Variants in TOX observed in about 807,000 individuals in gnomAD.
The protein encoded by TOX is thymocyte selection associated high mobility group box.
Under a neutral mutation model 53.7 loss-of-function variants are expected in TOX, and 11 were observed. That is an observed-to-expected ratio of 0.20 (90% CI 0.13 to 0.34). The LOEUF (loss-of-function observed/expected upper bound fraction) is 0.34. TOX is among the 10% of genes least tolerant of loss of function. The pLI, the probability that TOX is intolerant of heterozygous loss-of-function variation, is 1.00. For synonymous variants in TOX, 225 were observed against 245.3 expected (o/e 0.92, Z 0.77); for missense variants, 570 against 664.6 (o/e 0.86, Z 1.56).
chr8:58,818,347 G>C (rs1810215177), intron 6 of TOX, among the ~76,000 whole-genome samples: 1 of 152,130 alleles, frequency 6.6e-6, no homozygotes, highest in African/African-American at 2.4e-5. Context: ...AACATAGAGG[G>C]AGGGAGAATT....
At chr8:59,088,763 G>T (rs1163464212) in intron 1 of TOX, among the ~76,000 whole-genome samples, 3 of 152,166 alleles carry the variant, frequency 2.0e-5, no homozygotes, top group African/African-American at 7.2e-5. Flanking sequence ...TGTAAGAAAA[G>T]CTGGAGCATT....
chr8:59,018,460 G>C (rs1453609304), intron 1 of TOX, among the ~76,000 whole-genome samples: 1 of 152,094 alleles, frequency 6.6e-6, no homozygotes, highest in East Asian at 1.9e-4. Context: ...TCCCAAAGTC[G>C]GTTCCACAGT....
intron 1 of TOX, among the ~76,000 whole-genome samples, chr8:59,097,996 G>A (rs908314028): frequency 2.0e-5 from 3 of 151,938 alleles, no homozygotes; most frequent in Admixed American, 6.6e-5. Flanking sequence ...TTGGCTGGGG[G>A]AATCACGGAG....
At chr8:59,062,223 T>C (rs1445184584) in intron 1 of TOX, among the ~76,000 whole-genome samples, 3 of 152,034 alleles carry the variant, frequency 2.0e-5, no homozygotes, top group Non-Finnish European at 4.4e-5. Context: ...GGAGAGGTGG[T>C]AGGAGTGGAA....
At chr8:59,075,065 A>T (rs185719917) in intron 1 of TOX, among the ~76,000 whole-genome samples, 328 of 152,344 alleles carry the variant, frequency 2.2e-3, no homozygotes, top group African/African-American at 7.3e-3. Flanking sequence ...AGTAAGACAA[A>T]TTGACAAAAT....
chr8:58,826,970 T>C (rs536468780), intron 5 of TOX, 68 bp from the exon 6 acceptor site: 53 of 1,274,462 alleles, frequency 4.2e-5, no homozygotes, highest in South Asian at 2.6e-4. Context: ...AAGTACAATA[T>C]AGAATGATAA....
intron 1 of TOX, among the ~76,000 whole-genome samples, chr8:59,115,902 C>T (rs1277191389): frequency 1.3e-5 from 2 of 151,886 alleles, no homozygotes; most frequent in South Asian, 2.1e-4. Context: ...TAGATTAAAC[C>T]GTTTCCAAAA....
intron 1 of TOX, among the ~76,000 whole-genome samples, chr8:59,035,916 A>G (rs1189685271): frequency 6.6e-6 from 1 of 152,236 alleles, no homozygotes; most frequent in Non-Finnish European, 1.5e-5. Context: ...TTGTGACAGC[A>G]CTATGAGGTG....
In TOX at chr8:59,040,845, C is replaced by A. The variant is rs1351528245; in HGVS notation, c.102+78041G>T. Among the ~76,000 whole-genome samples the A allele has an allele frequency of 2.6e-5, 4 of 152,206 alleles. No homozygotes were observed. In the East Asian group the frequency reaches 7.7e-4, roughly 29 times the overall value. ...CCCCGCCTCTCTGACCCTCCCACTC[C>A]CCTCACTGGTCCTTTCTTCCTGGCT... On this transcript the variant is annotated intron_variant, in intron 1 of 8. Transcript: ENST00000361421.
At chr8:59,037,918 G>T (rs1585979562) in intron 1 of TOX, among the ~76,000 whole-genome samples, 1 of 150,620 alleles carries the variant, frequency 6.6e-6, no homozygotes, top group East Asian at 2.0e-4. Flanking sequence ...CATCTATTTT[G>T]TGTTAATGTT....
intron 1 of TOX, among the ~76,000 whole-genome samples, chr8:58,980,339 C>T (rs1028769508): frequency 2.0e-5 from 3 of 152,110 alleles, no homozygotes; most frequent in Non-Finnish European, 2.9e-5. Context: ...TGGGAGCTGC[C>T]GCTTGGCCTG....
Position 58,939,187 on chromosome 8 carries a change from A to G in TOX, c.411+115T>C. 3 of 1,310,640 alleles carry G rather than the reference A, an allele frequency of 2.3e-6. No individual in the cohort carries two copies. In the South Asian group the frequency reaches 4.3e-5, roughly 19 times the overall value. The allele number at this position is 1,310,640 out of a possible 1,614,324, so 81.2% of individuals were successfully genotyped here. On this transcript the variant is annotated intron_variant, in intron 3 of 8. Coordinates refer to ENST00000361421, the MANE Select transcript of TOX (RefSeq NM_014729.3). ...ATGATTTATAAATAACTGTCTCCACAGCTAGAAACAGTTTCAGAATGCTAT... is the reference window on the plus strand; with the variant it reads ...ATGATTTATAAATAACTGTCTCCACGGCTAGAAACAGTTTCAGAATGCTAT...
chr8:58,987,438 T>C (rs1203726417), intron 1 of TOX, among the ~76,000 whole-genome samples: 1 of 152,148 alleles, frequency 6.6e-6, no homozygotes, highest in Non-Finnish European at 1.5e-5. Context: ...TGGAGTAGAA[T>C]TTGCATTCAT....
chr8:58,904,509 A>G (rs1562612), intron 3 of TOX, among the ~76,000 whole-genome samples: 82,725 of 151,912 alleles, frequency 0.54, 22,925 homozygotes, highest in African/African-American at 0.63. Context: ...AGCTCTGGGA[A>G]TCTCTGGAAA....
intron 1 of TOX, among the ~76,000 whole-genome samples, chr8:59,104,157 T>G (rs1477934463): frequency 6.6e-6 from 1 of 152,206 alleles, no homozygotes; most frequent in Non-Finnish European, 1.5e-5. Flanking sequence ...AAATGAACAT[T>G]AGCCCACTGA....
At chr8:58,946,032 G>T (rs534807412) in intron 2 of TOX, among the ~76,000 whole-genome samples, 1 of 151,968 alleles carries the variant, frequency 6.6e-6, no homozygotes, top group South Asian at 2.1e-4. Context: ...TAAAAATATG[G>T]CTATGGTTAT....
chr8:59,115,084 C>A (rs1319377291), intron 1 of TOX, among the ~76,000 whole-genome samples: 1 of 152,108 alleles, frequency 6.6e-6, no homozygotes, highest in Non-Finnish European at 1.5e-5. Flanking sequence ...ATATCACCAG[C>A]ATGAAGCATG....
chr8:59,052,223 GT>G (rs1251271783), intron 1 of TOX, among the ~76,000 whole-genome samples: 2 of 152,102 alleles, frequency 1.3e-5, no homozygotes, highest in African/African-American at 4.8e-5. Context: ...TATTTTATAT[GT>G]TTAAATGTTT....
intron 1 of TOX, among the ~76,000 whole-genome samples, chr8:59,007,162 C>T (rs1194645176): frequency 2.0e-5 from 3 of 152,046 alleles, no homozygotes; most frequent in Non-Finnish European, 4.4e-5. Context: ...ATTACTTCTC[C>T]ACAGCTCTCA....
Sources: allele counts gnomAD v4.1 joint callset (sites outside exome capture counted in the v4.1 genomes callset), GRCh38; gene constraint gnomAD v4.1.1; transcripts MANE v1.5; gene names NCBI Gene and HGNC (gene_info 2026-07-23, HGNC 2026-07-21).